GLS: variants seen among roughly 807,000 people sequenced by gnomAD.
GLS encodes the protein glutaminase kidney isoform, mitochondrial.
A neutral mutation model predicts 86.7 loss-of-function variants in GLS; 36 were observed. That is an observed-to-expected ratio of 0.42 (90% CI 0.32 to 0.55). The LOEUF is 0.55. GLS is among the 20% of genes least tolerant of loss of function. The pLI, the probability that GLS is intolerant of heterozygous loss-of-function variation, is 0.17. For synonymous variants in GLS, 317 were observed against 305.9 expected (o/e 1.04, Z -0.38); for missense variants, 528 against 833.4 (o/e 0.63, Z 4.51).
Position 190,895,149 on chromosome 2 carries a change from T to C in GLS, c.387-3T>C, listed in dbSNP as rs200778139. ...TAATTTTGTGTTCTTTCTACCTCTT[T>C]AGTAAAATAAAACAGGGTCTGTTAC... On this transcript the variant is annotated splice_polypyrimidine_tract_variant and splice_region_variant and intron_variant, in intron 1 of 17. Coordinates refer to ENST00000320717, the MANE Select transcript of GLS (RefSeq NM_014905.5). This position sits in a 1 kb window ranked among gnomAD's most constrained non-coding sequence, Gnocchi z 4.2. 1.9e-4 allele frequency: 251 copies of C among 1,311,658 alleles called. 2 individuals carry two copies. The Middle Eastern group carries it at 2.1e-3, about 11-fold the overall frequency. The allele number at this position is 1,311,658 out of a possible 1,614,324, so 81.3% of individuals were successfully genotyped here. A position where few individuals can be genotyped will look rare whatever the true frequency, so the allele number is the denominator to read the frequency against.
At chr2:190,887,210 A>G (rs527373395) in intron 1 of GLS, among the ~76,000 whole-genome samples, 2 of 152,338 alleles carry the variant, frequency 1.3e-5, no homozygotes, top group Admixed American at 6.5e-5. Context: ...AGTGAGGTAC[A>G]TAGCTTTCAC....
At position 190,947,878 on chromosome 2, in the gene GLS, GGT is replaced by G. The variant is rs1177624330; in HGVS notation, c.1651-5682_1651-5681del. 6.6e-6 allele frequency among the ~76,000 whole-genome samples: 1 copy of G among 152,124 alleles called. No individual in the cohort carries two copies. The highest frequency in any genetic ancestry group is 6.5e-5 in the Admixed American group (1 of 15,270). On this transcript the variant is annotated intron_variant, in intron 14 of 17. Coordinates refer to ENST00000320717, the MANE Select transcript of GLS (RefSeq NM_014905.5). This position sits in a 1 kb window ranked among gnomAD's most constrained non-coding sequence, Gnocchi z 5.0. Reference sequence around the variant, plus strand: ...GTTTGCTATGATAGGCATTCCAGAGGGTGTGTCAGCTTAGTTGGAAATACTCG... The same window carrying G: ...GTTTGCTATGATAGGCATTCCAGAGGGTGTCAGCTTAGTTGGAAATACTCG...
At position 190,905,076 on chromosome 2, in the gene GLS, T is replaced by C. The variant is rs773156794; in HGVS notation, c.888T>C (p.Ala296=). 9 of 1,599,828 alleles carry C rather than the reference T, an allele frequency of 5.6e-6. No individual in the cohort carries two copies. Among genetic ancestry groups the C allele is most frequent in the Non-Finnish European group, 6.9e-6 (8 of 1,167,214 alleles). ...SCVKPLKYAI[A]VNDLGTEYVH... Reference sequence around the variant, plus strand: ...TAAAACCTTTGAAATATGCCATTGCTGTTAATGATCTTGGAACTGAATATG... The same window carrying C: ...TAAAACCTTTGAAATATGCCATTGCCGTTAATGATCTTGGAACTGAATATG... The change falls in exon 6 of 18, where the codon GCT becomes GCC. Residue 296 remains alanine (A), a synonymous_variant. Coordinates refer to ENST00000320717, the MANE Select transcript of GLS (RefSeq NM_014905.5). This position sits in a 1 kb window ranked among gnomAD's most constrained non-coding sequence, Gnocchi z 4.6.
chr2:190,886,805 A>G (rs895554436), intron 1 of GLS, among the ~76,000 whole-genome samples: 2 of 151,540 alleles, frequency 1.3e-5, no homozygotes, highest in Admixed American at 1.3e-4. Flanking sequence ...AATCCCAGCT[A>G]CTCGGGAGGC....
Position 190,895,110 on chromosome 2 carries a change from G to T in GLS, c.387-42G>T. 1 of 833,054 alleles carries T rather than the reference G, an allele frequency of 1.2e-6. No homozygotes were observed. Among genetic ancestry groups the T allele is most frequent in the Non-Finnish European group, 2.1e-6 (1 of 487,180 alleles). 51.6% of individuals were successfully genotyped at this position (833,054 alleles called of 1,614,324 possible). A position where few individuals can be genotyped will look rare whatever the true frequency, so the allele number is the denominator to read the frequency against. ...GATTTAGTTAAAAATCCAGTAGAAT[G>T]TTCATACAAGGATTAATTTTGTGTT... On this transcript the variant is annotated intron_variant, in intron 1 of 17. Transcript: ENST00000320717. This position sits in a 1 kb window ranked among gnomAD's most constrained non-coding sequence, Gnocchi z 4.2.
In GLS at chr2:190,895,605, C is replaced by T; in HGVS notation, c.485C>T (p.Ala162Val). 4 of 1,587,090 alleles carry T rather than the reference C, an allele frequency of 2.5e-6. No homozygotes were observed. The highest frequency in any genetic ancestry group is 3.4e-6 in the Non-Finnish European group (4 of 1,161,446). Reference protein sequence around the residue: ...EKIPVHKFITALKSTGLRTSD... With the variant: ...EKIPVHKFITVLKSTGLRTSD... ...AAACTCTTATTTTTTTAAAAACAGG[C>T]ACTCAAATCTACAGGATTGCGAACG... Residue 162 changes from alanine to valine, a missense_variant and splice_region_variant, in exon 3 of 18, where the codon GCA (alanine) becomes GTA (valine). Physicochemically the swap from Ala to Val is moderately conservative, Grantham distance 64 (BLOSUM62 0). This residue lies in a region of GLS where 111 missense variants were observed against 179.5 expected (regional missense o/e 0.62). Coordinates refer to ENST00000320717, the MANE Select transcript of GLS (RefSeq NM_014905.5). This position sits in a 1 kb window ranked among gnomAD's most constrained non-coding sequence, Gnocchi z 4.2.
chr2:190,902,301 G>A (rs748980860), intron 5 of GLS, among the ~76,000 whole-genome samples: 2 of 152,230 alleles, frequency 1.3e-5, no homozygotes, highest in South Asian at 4.1e-4. Flanking sequence ...TTTCAGAAAA[G>A]CAGGCTTGTC....
intron 5 of GLS, among the ~76,000 whole-genome samples, chr2:190,902,551 G>A (rs1688982849): frequency 6.6e-6 from 1 of 152,332 alleles, no homozygotes; most frequent in African/African-American, 2.4e-5. Context: ...TGCAGGCACA[G>A]CTGCTGACAG....
intron 1 of GLS, among the ~76,000 whole-genome samples, chr2:190,893,513 G>C (rs1688631603): frequency 6.6e-6 from 1 of 152,210 alleles, no homozygotes; most frequent in South Asian, 2.1e-4. Context: ...TAGAATGCAT[G>C]TAAAACACTT....
chr2:190,889,205 A>G (rs1294509064), intron 1 of GLS, among the ~76,000 whole-genome samples: 1 of 152,218 alleles, frequency 6.6e-6, no homozygotes, highest in African/African-American at 2.4e-5. Context: ...TTCAGACAGT[A>G]TTAGGACTTG....
chr2:190,940,031 C>T (rs1690380413), intron 14 of GLS, among the ~76,000 whole-genome samples: 1 of 151,780 alleles, frequency 6.6e-6, no homozygotes, highest in South Asian at 2.1e-4. Flanking sequence ...TATATGTTCA[C>T]TTCCAAATCT....
At chr2:190,927,133 G>A (rs575898398) in intron 11 of GLS, 173 bp from the exon 12 acceptor site, 15 of 548,684 alleles carry the variant, frequency 2.7e-5, no homozygotes, top group African/African-American at 2.6e-4. Context: ...TCTTAAAAGT[G>A]GGTAGGACTT....
At chr2:190,899,567 G>A (rs1574571410) in intron 3 of GLS, among the ~76,000 whole-genome samples, 4 of 152,022 alleles carry the variant, frequency 2.6e-5, no homozygotes, top group African/African-American at 7.2e-5. Context: ...AATACTGAGA[G>A]TATCTTACTC....
chr2:190,912,967 G>A (rs552752845), intron 7 of GLS, among the ~76,000 whole-genome samples: 7 of 152,160 alleles, frequency 4.6e-5, no homozygotes, highest in African/African-American at 1.2e-4. Context: ...CCAAAGCCAC[G>A]GATATTTCAC....
Position 190,913,819 on chromosome 2 carries a change from G to A in GLS, c.1038+3498G>A. The A allele has an allele frequency of 5.1e-6, 4 of 777,088 alleles. No homozygotes were observed. The highest frequency in any genetic ancestry group is 5.9e-5 in the South Asian group (1 of 16,928). The allele number at this position is 777,088 out of a possible 1,614,324, so 48.1% of individuals were successfully genotyped here. The stretch of plus-strand genomic sequence containing the variant: ...AGAGTTTTTTGTTTTTTGTTTTTTA[G>A]AGACAAGGTCTCTCTCTGTTGCCCA... On this transcript the variant is annotated intron_variant, in intron 7 of 17. Coordinates refer to ENST00000320717, the MANE Select transcript of GLS (RefSeq NM_014905.5). The surrounding 1 kb of genome is among the most constrained non-coding windows in gnomAD (Gnocchi z 6.1).
chr2:190,903,708 A>G (rs1264944437), intron 5 of GLS, among the ~76,000 whole-genome samples: 4 of 152,234 alleles, frequency 2.6e-5, no homozygotes, highest in African/African-American at 9.6e-5. Context: ...GTATTTTTAA[A>G]TCCAAAGGTA....
chr2:190,918,497 C>G (rs1689618956), intron 7 of GLS, among the ~76,000 whole-genome samples: 1 of 152,108 alleles, frequency 6.6e-6, no homozygotes, highest in Admixed American at 6.5e-5. Flanking sequence ...GAAATTGTAG[C>G]TAGTTTCATT....
In GLS at chr2:190,956,659, TG is replaced by T. The variant is rs1690868504; in HGVS notation, c.1853+1845del. Among the ~76,000 whole-genome samples, 4 of 152,324 alleles carry T rather than the reference TG, an allele frequency of 2.6e-5. No homozygotes were observed. In the South Asian group the frequency reaches 8.3e-4, roughly 32 times the overall value. On this transcript the variant is annotated intron_variant, in intron 17 of 17. Coordinates refer to ENST00000320717, the MANE Select transcript of GLS (RefSeq NM_014905.5). This position sits in a 1 kb window ranked among gnomAD's most constrained non-coding sequence, Gnocchi z 4.2. ...GTGAAGAAAGTCAATGGTAGCTTTA[TG>T]GGGATAGCATAGAACCTATAAATTA...
At chr2:190,941,639 GGAGTCA>G (rs1690434934) in intron 14 of GLS, among the ~76,000 whole-genome samples, 1 of 152,106 alleles carries the variant, frequency 6.6e-6, no homozygotes, top group Non-Finnish European at 1.5e-5. Context: ...AAGTTTTGAA[GGAGTCA>G]GAGGAAATAT....
Sources: gnomAD v4.1 joint callset for allele counts (sites outside exome capture counted in the v4.1 genomes callset) on GRCh38, gnomAD v4.1.1 for gene constraint, gnomAD v4.1.1 regional missense constraint, Gnocchi (gnomAD v3.1) non-coding constraint, MANE v1.5 for transcripts, NCBI Gene and HGNC (gene_info 2026-07-23, HGNC 2026-07-21) for gene names.